Variants in REXO1 observed in about 807,000 individuals in gnomAD.
The protein encoded by REXO1 is RNA exonuclease 1 homolog.
REXO1 carries 42 observed loss-of-function variants against 102.6 expected under a neutral mutation model. The ratio of observed to expected loss-of-function variants is 0.41; its 90% CI spans 0.32 to 0.53. REXO1 has a LOEUF of 0.53. Ranked by LOEUF, REXO1 falls within the 20% of genes least tolerant of loss-of-function variation. REXO1 has a pLI of 0.27. For synonymous variants in REXO1, 908 were observed against 779.1 expected, an observed-to-expected ratio of 1.17 and a Z score of -2.76; for missense variants, 1,819 against 1,732.5, an observed-to-expected ratio of 1.05 and a Z score of -0.89.
intron 1 of REXO1, among the ~76,000 whole-genome samples, chr19:1,838,846 G>A (rs1027721073): frequency 2.7e-5 from 4 of 150,152 alleles, no homozygotes; most frequent in African/African-American, 7.4e-5. Context: ...AGCCGGGCAC[G>A]GTAGCTCACG....
At position 1,817,287 on chromosome 19, in the gene REXO1, C is replaced by T. The variant is rs775342592; in HGVS notation, c.3133G>A (p.Val1045Met). The change falls in exon 12 of 16, where the codon GTG (valine) becomes ATG (methionine). Residue 1045 changes from valine to methionine, a missense_variant. By Grantham distance (21) the Val-to-Met change is conservative (BLOSUM62 1). Coordinates refer to ENST00000170168, the MANE Select transcript of REXO1 (RefSeq NM_020695.4). ...GAGAGCTCTTTCTCAAAGGTCTTCA[C>T]GAAGCCCTCAAGGCGCTCCTTCCGG... Reference protein sequence around the residue: ...DGRKERLEGFVKTFEKELSGD... With the variant: ...DGRKERLEGFMKTFEKELSGD... 1.9e-6 allele frequency: 3 copies of T among 1,613,108 alleles called. No individual in the cohort carries two copies. Among genetic ancestry groups the T allele is most frequent in the Non-Finnish European group, 2.5e-6 (3 of 1,180,008 alleles).
Position 1,816,104 on chromosome 19 carries a change from T to G in REXO1, c.3628A>C (p.Ile1210Leu), listed in dbSNP as rs780290937. Reference sequence around the variant, plus strand: ...TTGGCGTCTTCTCGAACCTTCCAGATCACCAGGTGCATGCAGGCGCCGGCG... The same window carrying G: ...TTGGCGTCTTCTCGAACCTTCCAGAGCACCAGGTGCATGCAGGCGCCGGCG... The part of the protein sequence containing the change: ...EDAGACMHLV[I>L]WKVREDAKTK... The change falls in exon 16 of 16, where the codon ATC becomes CTC. Residue 1210 changes from isoleucine to leucine, a missense_variant. Ile to Leu is a conservative substitution (Grantham distance 5). Transcript: ENST00000170168. The G allele has an allele frequency of 6.5e-6, 10 of 1,549,010 alleles. No individual in the cohort carries two copies. The highest frequency in any genetic ancestry group is 3.3e-4 in the Middle Eastern group (2 of 6,016).
At position 1,828,029 on chromosome 19, in the gene REXO1, G is replaced by A. The variant is rs370545335; in HGVS notation, c.760C>T (p.Arg254Trp). The A allele has an allele frequency of 6.4e-5, 103 of 1,612,638 alleles. No homozygotes were observed. The highest frequency in any genetic ancestry group is 8.3e-5 in the Admixed American group (5 of 59,918). Residue 254 changes from arginine (R) to tryptophan (W), a missense_variant, in exon 2 of 16, where the codon CGG (arginine) becomes TGG (tryptophan). Transcript: ENST00000170168. ...GAGCCCCGGGGCCGCTTGGCGGCCC[G>A]CTCATCCCGGGAGCTGGCCCTGCTG... ...HLSRASSRDE[R>W]AAKRPRGSRG... is the part of the protein sequence containing the mutation.
chr19:1,829,042 C>A (rs1230012352), intron 1 of REXO1, among the ~76,000 whole-genome samples: 1 of 152,246 alleles, frequency 6.6e-6, no homozygotes, highest in East Asian at 1.9e-4. Context: ...GGCCGACAAC[C>A]ACAGCCTGAC....
At chr19:1,817,890 A>C in intron 10 of REXO1, 110 bp from the exon 11 acceptor site, 1 of 815,824 alleles carries the variant, frequency 1.2e-6, no homozygotes, top group Non-Finnish European at 2.0e-6. Context: ...AGGACTGAGG[A>C]CAGGAGGCCT....
chr19:1,829,514 C>T (rs1005140023), intron 1 of REXO1, among the ~76,000 whole-genome samples: 1 of 151,792 alleles, frequency 6.6e-6, no homozygotes, highest in Admixed American at 6.6e-5. Flanking sequence ...TTTTTAATTT[C>T]AAAACTTTTT....
intron 1 of REXO1, among the ~76,000 whole-genome samples, chr19:1,837,979 C>T (rs958291480): frequency 1.3e-4 from 20 of 152,176 alleles, no homozygotes; most frequent in Admixed American, 5.9e-4. Context: ...GGGACAGGGA[C>T]GGTAACCAGG....
rs554589881 is a variant in REXO1 at position 1,826,430 on chromosome 19, A to C, written c.1911+448T>G. 3.5e-5 allele frequency among the ~76,000 whole-genome samples: 5 copies of C among 143,332 alleles called. No homozygotes were observed. Among genetic ancestry groups the C allele is most frequent in the East Asian group, 4.2e-4 (2 of 4,768 alleles). The allele number at this position is 143,332 out of a possible 152,430, so 94.0% of individuals were successfully genotyped here. On this transcript the variant is annotated intron_variant, in intron 2 of 15. Coordinates refer to ENST00000170168, the MANE Select transcript of REXO1 (RefSeq NM_020695.4). The surrounding 1 kb of genome is among the most constrained non-coding windows in gnomAD (Gnocchi z 4.3). ...AAAGGAGCCGGAGGGGATGAGGAGG[A>C]GGCAAGGAGAGGAGACAGAGGAGCT...
chr19:1,815,717 G>T lies in REXO1; in HGVS notation c.*349C>A. On this transcript the variant is annotated 3_prime_UTR_variant, in exon 16 of 16. Transcript: ENST00000170168. This position sits in a 1 kb window ranked among gnomAD's most constrained non-coding sequence, Gnocchi z 4.0. ...GGGACAAGCCCGCCCCGCGACCCAC[G>T]TGAGGAGCAGAGGTGCCGGCCACCA... is the stretch of plus-strand genomic sequence containing the variant. 7.3e-7 allele frequency: 1 copy of T among 1,378,694 alleles called. No homozygotes were observed. The highest frequency in any genetic ancestry group is 9.4e-7 in the Non-Finnish European group (1 of 1,062,370). 85.4% of individuals were successfully genotyped at this position (1,378,694 alleles called of 1,614,324 possible).
Position 1,827,086 on chromosome 19 carries a change from T to C in REXO1, c.1703A>G (p.Lys568Arg), listed in dbSNP as rs1320571275. The change falls in exon 2 of 16, where the codon AAG (lysine) becomes AGG (arginine). Residue 568 changes from lysine to arginine, a missense_variant. Lys to Arg is a conservative substitution (Grantham distance 26). Transcript: ENST00000170168. The part of the protein sequence containing the change: ...LGFPEAQGPP[K>R]RLKASPPPSP... The stretch of plus-strand genomic sequence containing the variant: ...GGGGGGCGGGGAGGCCTTGAGCCGC[T>C]TGGGCGGCCCCTGCGCCTCCGGGAA... 9 of 1,540,622 alleles carry C rather than the reference T, an allele frequency of 5.8e-6. No homozygotes were observed. Among genetic ancestry groups the C allele is most frequent in the Non-Finnish European group, 7.9e-6 (9 of 1,144,962 alleles).
intron 1 of REXO1, among the ~76,000 whole-genome samples, chr19:1,839,636 T>C (rs1421040973): frequency 6.6e-6 from 1 of 152,224 alleles, no homozygotes; most frequent in South Asian, 2.1e-4. Context: ...CCATCATTCA[T>C]TCCTCCAGCA....
At position 1,821,688 on chromosome 19, in the gene REXO1, G is replaced by A. The variant is rs370469968; in HGVS notation, c.2231-6C>T. The A allele has an allele frequency of 3.7e-5, 59 of 1,606,912 alleles. No individual in the cohort carries two copies. The highest frequency in any genetic ancestry group is 4.4e-5 in the Non-Finnish European group (52 of 1,178,184). On this transcript the variant is annotated splice_region_variant and splice_polypyrimidine_tract_variant and intron_variant, in intron 4 of 15. Coordinates refer to ENST00000170168, the MANE Select transcript of REXO1 (RefSeq NM_020695.4). ...CCTCTTGGCACCTGTGGGGGCTGGC[G>A]GGGCACAGGGGGTGTGGGCACAGGG... is the stretch of plus-strand genomic sequence containing the variant.
At chr19:1,840,014 G>C (rs2011213768) in intron 1 of REXO1, among the ~76,000 whole-genome samples, 1 of 152,206 alleles carries the variant, frequency 6.6e-6, no homozygotes, top group African/African-American at 2.4e-5. Flanking sequence ...GAGAGGAGGA[G>C]GGAGGGGTCT....
intron 1 of REXO1, among the ~76,000 whole-genome samples, chr19:1,836,682 A>G (rs1218485251): frequency 7.1e-6 from 1 of 141,672 alleles, no homozygotes; most frequent in African/African-American, 2.6e-5. Context: ...GGAGGCGGAG[A>G]CTGCGGTGAG....
At position 1,828,037 on chromosome 19, in the gene REXO1, C is replaced by T. The variant is rs199924068; in HGVS notation, c.752G>A (p.Arg251Gln). ...GGGCCGCTTGGCGGCCCGCTCATCC[C>T]GGGAGCTGGCCCTGCTGAGGTGCCG... ...SARHLSRASS[R>Q]DERAAKRPRG... The change falls in exon 2 of 16, where the codon CGG (arginine) becomes CAG (glutamine). Residue 251 changes from arginine to glutamine, a missense_variant. Physicochemically the swap from Arg to Gln is conservative, Grantham distance 43. Coordinates refer to ENST00000170168, the MANE Select transcript of REXO1 (RefSeq NM_020695.4). The T allele has an allele frequency of 6.3e-5, 102 of 1,612,864 alleles. 1 individual carries two copies. Among genetic ancestry groups the T allele is most frequent in the Admixed American group, 3.7e-4 (22 of 59,960 alleles).
chr19:1,839,081 C>T (rs1239270216), intron 1 of REXO1, among the ~76,000 whole-genome samples: 2 of 152,030 alleles, frequency 1.3e-5, no homozygotes, highest in African/African-American at 2.4e-5. Flanking sequence ...CACGGTGAAA[C>T]TCTGTCTCTA....
At position 1,815,783 on chromosome 19, in the gene REXO1, C is replaced by A; in HGVS notation, c.*283G>T. On this transcript the variant is annotated 3_prime_UTR_variant, in exon 16 of 16. Transcript: ENST00000170168. This position sits in a 1 kb window ranked among gnomAD's most constrained non-coding sequence, Gnocchi z 4.0. ...CTGGCAGGAGGGGCAGGAGGGGCTG[C>A]GGGCCGGGTGGGGGCGGGCTCTGTC... The A allele has an allele frequency of 6.9e-7, 1 of 1,439,592 alleles. No homozygotes were observed. The highest frequency in any genetic ancestry group is 9.2e-7 in the Non-Finnish European group (1 of 1,087,432). The allele number at this position is 1,439,592 out of a possible 1,614,324, so 89.2% of individuals were successfully genotyped here.
At chr19:1,817,361 T>A (rs753156376) in intron 11 of REXO1, 32 bp from the exon 12 acceptor site, 5 of 1,609,086 alleles carry the variant, frequency 3.1e-6, no homozygotes, top group Non-Finnish European at 3.4e-6. Flanking sequence ...GAGGGCAGCT[T>A]CGGGGTGCAG....
At chr19:1,828,783 G>A in intron 1 of REXO1, 152 bp from the exon 2 acceptor site, 1 of 1,079,556 alleles carries the variant, frequency 9.3e-7, no homozygotes, top group Admixed American at 2.8e-5. Flanking sequence ...GGGGTGCCCA[G>A]CTGGGTACAG....
Sources: gnomAD v4.1 joint callset for allele counts (sites outside exome capture counted in the v4.1 genomes callset) on GRCh38, gnomAD v4.1.1 for gene constraint, Gnocchi (gnomAD v3.1) non-coding constraint, MANE v1.5 for transcripts, NCBI Gene and HGNC (gene_info 2026-07-23, HGNC 2026-07-21) for gene names.